The following ANXA13 variants were observed in gnomAD, a reference collection of about 807,000 sequenced individuals.
ANXA13 encodes the protein annexin XIII.
A neutral mutation model predicts 46.6 loss-of-function variants in ANXA13; 36 were observed. The ratio of observed to expected loss-of-function variants is 0.77; its 90% confidence interval spans 0.59 to 1.02. The LOEUF (loss-of-function observed/expected upper bound fraction) is 1.02. Among genes scored for constraint, ANXA13 ranks in the 50% least tolerant of loss-of-function variants. ANXA13 has a pLI of 0.00. For synonymous variants in ANXA13, 163 were observed against 152.9 expected (o/e 1.07, Z -0.49); for missense variants, 417 against 396.5 (o/e 1.05, Z -0.44).
At chr8:123,718,475 C>A (rs1813800152) in intron 1 of ANXA13, among the ~76,000 whole-genome samples, 1 of 152,134 alleles carries the variant, frequency 6.6e-6, no homozygotes, top group Non-Finnish European at 1.5e-5. Context: ...AAATTCACAC[C>A]TCATGGGGTG....
chr8:123,725,103 C>A (rs747939492), intron 1 of ANXA13, among the ~76,000 whole-genome samples: 7 of 152,122 alleles, frequency 4.6e-5, no homozygotes, highest in Admixed American at 1.3e-4. Context: ...TTAATACATT[C>A]TTTTTGCTTT....
At chr8:123,695,850 A>T in intron 4 of ANXA13, 129 bp from the exon 5 acceptor site, 1 of 795,720 alleles carries the variant, frequency 1.3e-6, no homozygotes, top group Non-Finnish European at 2.1e-6. Flanking sequence ...TAAGATGGTC[A>T]TCCCTATAGG....
rs1309923124 is a variant in ANXA13, at chr8:123,684,726, G to T, written c.719-4C>A. The T allele has an allele frequency of 6.2e-7, 1 of 1,600,494 alleles. No individual in the cohort carries two copies. ...TCACAATCCTGGGCACATCTCACTGGGCAGGACAAAGGAAAAGAGAATGTG... is the reference window on the plus strand; with the variant it reads ...TCACAATCCTGGGCACATCTCACTGTGCAGGACAAAGGAAAAGAGAATGTG... On this transcript the variant is annotated splice_region_variant and splice_polypyrimidine_tract_variant and intron_variant, in intron 9 of 10. Coordinates refer to ENST00000419625, the MANE Select transcript of ANXA13 (RefSeq NM_004306.4).
At chr8:123,684,823 G>T in intron 9 of ANXA13, 101 bp from the exon 10 acceptor site, 1 of 806,416 alleles carries the variant, frequency 1.2e-6, no homozygotes, top group Non-Finnish European at 2.1e-6. Context: ...GAGCTGACTG[G>T]ATGGTGAGAC....
chr8:123,723,311 T>A (rs1025889161), intron 1 of ANXA13, among the ~76,000 whole-genome samples: 1 of 152,222 alleles, frequency 6.6e-6, no homozygotes, highest in Non-Finnish European at 1.5e-5. Context: ...CAGTGGAGAA[T>A]GTTTCTACTT....
intron 3 of ANXA13, among the ~76,000 whole-genome samples, chr8:123,702,215 T>A (rs1415479421): frequency 6.6e-6 from 1 of 151,738 alleles, no homozygotes; most frequent in East Asian, 1.9e-4. Flanking sequence ...AGAAAGAAAA[T>A]GTAAAGAAAA....
Position 123,681,278 on chromosome 8 carries a change from C to T in ANXA13, c.913G>A (p.Gly305Arg), listed in dbSNP as rs767838530. The T allele has an allele frequency of 3.3e-5, 54 of 1,614,002 alleles. No homozygotes were observed. Among genetic ancestry groups the T allele is most frequent in the Admixed American group, 8.3e-5 (5 of 59,988 alleles). The change falls in exon 11 of 11, where the codon GGG (glycine) becomes AGG (arginine). Residue 305 changes from glycine (G) to arginine (R), a missense_variant. Coordinates refer to ENST00000419625, the MANE Select transcript of ANXA13 (RefSeq NM_004306.4). ...GCTACTAGCAGTTTCCGGAAGTCCC[C>T]GGAGGTATCTGAGCGAACCATGTCA... is the stretch of plus-strand genomic sequence containing the variant. ...LSDMVRSDTSGDFRKLLVALL... is the reference protein window; with the variant it reads ...LSDMVRSDTSRDFRKLLVALL...
intron 3 of ANXA13, among the ~76,000 whole-genome samples, chr8:123,701,952 T>C (rs998287234): frequency 3.9e-5 from 6 of 152,186 alleles, no homozygotes; most frequent in Non-Finnish European, 1.5e-5. Flanking sequence ...ATCAAATAAA[T>C]AGGAAAACCC....
intron 9 of ANXA13, among the ~76,000 whole-genome samples, 182 bp downstream of exon 9, chr8:123,688,689 T>C (rs1586312993): frequency 6.6e-6 from 1 of 152,178 alleles, no homozygotes. Flanking sequence ...CCAAGCTTCC[T>C]GTGGGATCAG....
At chr8:123,722,391 A>AAAGG (rs1813900568) in intron 1 of ANXA13, among the ~76,000 whole-genome samples, 1 of 149,950 alleles carries the variant, frequency 6.7e-6, no homozygotes, top group African/African-American at 2.4e-5. Context: ...AGAAAGAAAG[A>AAAGG]AAGAAAAGCT....
intron 2 of ANXA13, among the ~76,000 whole-genome samples, chr8:123,705,482 C>T (rs1183221386): frequency 1.3e-5 from 2 of 152,214 alleles, no homozygotes; most frequent in African/African-American, 4.8e-5. Flanking sequence ...CTCAGCCACA[C>T]TTGTTAAGTT....
rs1229639809 is a variant in ANXA13, at chr8:123,693,268, G to A, written c.571C>T (p.Leu191Phe). 1 of 1,614,178 alleles carries A rather than the reference G, an allele frequency of 6.2e-7. No homozygotes were observed. The part of the protein sequence containing the change: ...AGEGRWGTDE[L>F]AFNEVLAKRS... Reference sequence around the variant, plus strand: ...TTGGCCAGGACTTCATTGAACGCAAGCTCATCAGTGCCCCAGCGGCCTTCC... The same window carrying A: ...TTGGCCAGGACTTCATTGAACGCAAACTCATCAGTGCCCCAGCGGCCTTCC... Residue 191 changes from leucine (L) to phenylalanine (F), a missense_variant, in exon 8 of 11, where the codon CTT becomes TTT. Leu to Phe is a conservative substitution (Grantham distance 22). Coordinates refer to ENST00000419625, the MANE Select transcript of ANXA13 (RefSeq NM_004306.4).
chr8:123,699,012 AGGG>A (rs1813396098), intron 3 of ANXA13, among the ~76,000 whole-genome samples: 1 of 152,186 alleles, frequency 6.6e-6, no homozygotes, highest in African/African-American at 2.4e-5. Context: ...TCAGTGTGAA[AGGG>A]GGCACTATTA....
chr8:123,684,151 T>C (rs891171368), intron 10 of ANXA13, among the ~76,000 whole-genome samples: 1 of 152,254 alleles, frequency 6.6e-6, no homozygotes, highest in Non-Finnish European at 1.5e-5. Flanking sequence ...GCAATAGTTT[T>C]TAAAAAGATT....
At chr8:123,734,090 A>G (rs1217801756) in intron 1 of ANXA13, among the ~76,000 whole-genome samples, 1 of 152,154 alleles carries the variant, frequency 6.6e-6, no homozygotes, top group Non-Finnish European at 1.5e-5. Flanking sequence ...AGTCCTTTCT[A>G]TTGCCTGTTC....
At chr8:123,722,342 A>AAAAGAAAGAAAGAAAGAAAGAAAGAAAG (rs148382346) in intron 1 of ANXA13, among the ~76,000 whole-genome samples, 1 of 136,860 alleles carries the variant, frequency 7.3e-6, no homozygotes, top group Non-Finnish European at 1.5e-5. Context: ...GAAAGAAAAG[A>AAAAGAAAGAAAGAAAGAAAGAAAGAAAG]AAAGAAAGAA....
chr8:123,693,950 TG>T (rs1414777750), intron 6 of ANXA13, among the ~76,000 whole-genome samples, 171 bp from the exon 7 acceptor site: 2 of 151,490 alleles, frequency 1.3e-5, no homozygotes, highest in African/African-American at 4.8e-5. Context: ...TTGGGCACAA[TG>T]GATAAACAGA....
intron 2 of ANXA13, among the ~76,000 whole-genome samples, chr8:123,706,936 C>T (rs929800379): frequency 2.0e-4 from 31 of 152,194 alleles, no homozygotes; most frequent in African/African-American, 7.2e-4. Context: ...CTGGAACACA[C>T]CAATCCTCAC....
rs908670227 is a variant in ANXA13 at position 123,698,390 on chromosome 8, T to G, written c.356A>C (p.Lys119Thr). ...LIEVLCTRTN[K>T]EIIAIKEAYQ... ...CTTGCGGGCTCAGCTGGGACTGACC[T>G]TATTGGTCCTCGTGCACAGGACCTC... Residue 119 changes from lysine to threonine, a missense_variant and splice_region_variant, in exon 4 of 11, where the codon AAG (lysine) becomes ACG (threonine). Transcript: ENST00000419625. 13 of 1,613,890 alleles carry G rather than the reference T, an allele frequency of 8.1e-6. No homozygotes were observed. The Admixed American group carries it at 2.0e-4, about 25-fold the overall frequency.
Sources: allele counts gnomAD v4.1 joint callset (sites outside exome capture counted in the v4.1 genomes callset), GRCh38; gene constraint gnomAD v4.1.1; transcripts MANE v1.5; gene names NCBI Gene and HGNC (gene_info 2026-07-23, HGNC 2026-07-21).